The following RGS9 variants were observed in gnomAD, a reference collection of about 807,000 sequenced individuals.
RGS9 encodes regulator of G protein signaling 9.
Under a neutral mutation model 102.0 loss-of-function variants are expected in RGS9, and 78 were observed. The ratio of observed to expected loss-of-function variants is 0.76; its 90% CI spans 0.64 to 0.92. The LOEUF is 0.92. RGS9 is among the 40% of genes least tolerant of loss of function. RGS9 has a pLI of 0.00. For missense variants in RGS9, 833 were observed against 866.1 expected (o/e 0.96, Z 0.48); for synonymous variants, 353 against 318.6 (o/e 1.11, Z -1.15).
chr17:65,209,072 G>A (rs1913184737), intron 16 of RGS9, among the ~76,000 whole-genome samples: 1 of 152,146 alleles, frequency 6.6e-6, no homozygotes, highest in Non-Finnish European at 1.5e-5. Flanking sequence ...GGACAAAAGA[G>A]GAGTCTCATA....
chr17:65,139,406 T>G (rs1910068800), intron 1 of RGS9, among the ~76,000 whole-genome samples: 1 of 151,890 alleles, frequency 6.6e-6, no homozygotes, highest in South Asian at 2.1e-4. Context: ...AACCTTCCCC[T>G]GAGCAGCCTG....
chr17:65,217,276 C>T (rs1913553122), intron 17 of RGS9, among the ~76,000 whole-genome samples: 1 of 152,228 alleles, frequency 6.6e-6, no homozygotes, highest in Non-Finnish European at 1.5e-5. Flanking sequence ...TGGGGCTCCA[C>T]CTCCATCTCA....
chr17:65,137,749 C>A, intron 1 of RGS9, 152 bp downstream of exon 1: 1 of 684,868 alleles, frequency 1.5e-6, no homozygotes, highest in Admixed American at 2.2e-5. Context: ...CTGTGTGTGT[C>A]GATATTGATG....
At chr17:65,215,701 C>T (rs945205398) in intron 17 of RGS9, among the ~76,000 whole-genome samples, 22 of 152,054 alleles carry the variant, frequency 1.4e-4, no homozygotes, top group African/African-American at 5.3e-4. Context: ...GCTGGGATTA[C>T]AGGCACCCAC....
chr17:65,176,750 T>A (rs921951049), intron 8 of RGS9, among the ~76,000 whole-genome samples: 1 of 132,952 alleles, frequency 7.5e-6, no homozygotes, highest in African/African-American at 3.3e-5. Flanking sequence ...CATCCATCCA[T>A]CCACCCATCC....
intron 9 of RGS9, chr17:65,189,022 C>T: frequency 3.7e-6 from 2 of 545,768 alleles, no homozygotes; most frequent in Non-Finnish European, 6.6e-6. Context: ...CAAATTTAGT[C>T]CTTAATTGAT....
chr17:65,168,654 A>G (rs939425293), intron 8 of RGS9, among the ~76,000 whole-genome samples: 4 of 151,112 alleles, frequency 2.6e-5, no homozygotes, highest in Non-Finnish European at 5.9e-5. Context: ...AGAAAAATAG[A>G]GTCCCGTGAG....
At chr17:65,175,832 G>A (rs1911605050) in intron 8 of RGS9, among the ~76,000 whole-genome samples, 1 of 152,004 alleles carries the variant, frequency 6.6e-6, no homozygotes, top group South Asian at 2.1e-4. Flanking sequence ...CAGGAAATTT[G>A]GTTGAATTTG....
intron 15 of RGS9, 138 bp from the exon 16 acceptor site, chr17:65,207,784 A>T (rs372644608): frequency 3.2e-6 from 2 of 627,692 alleles, no homozygotes; most frequent in Non-Finnish European, 5.8e-6. Flanking sequence ...ACCTCCCCCA[A>T]CACCTTTCAC....
At chr17:65,177,924 G>C (rs1229314539) in intron 9 of RGS9, 121 bp downstream of exon 9, 2 of 817,804 alleles carry the variant, frequency 2.4e-6, no homozygotes, top group African/African-American at 3.4e-5. Context: ...CTATCAAAGA[G>C]AGGAGGACCG....
At chr17:65,156,089 T>G (rs1910757600) in intron 2 of RGS9, among the ~76,000 whole-genome samples, 1 of 152,194 alleles carries the variant, frequency 6.6e-6, no homozygotes, top group African/African-American at 2.4e-5. Flanking sequence ...AGTGGCACTA[T>G]CTTGGCTCAT....
intron 17 of RGS9, among the ~76,000 whole-genome samples, chr17:65,222,130 C>A (rs940202505): frequency 6.6e-6 from 1 of 152,234 alleles, no homozygotes; most frequent in Non-Finnish European, 1.5e-5. Flanking sequence ...AGGTCACTGT[C>A]TTCTTGCTGG....
At chr17:65,167,183 A>G (rs996102626) in intron 7 of RGS9, among the ~76,000 whole-genome samples, 5 of 152,084 alleles carry the variant, frequency 3.3e-5, no homozygotes, top group Admixed American at 2.0e-4. Context: ...TAAAAAGGAA[A>G]ATAAACAGCC....
chr17:65,190,066 G>T, intron 10 of RGS9, 109 bp from the exon 11 acceptor site: 1 of 888,576 alleles, frequency 1.1e-6, no homozygotes, highest in South Asian at 1.3e-5. Context: ...TCTGGGCATG[G>T]AACGGGATGT....
At chr17:65,143,748 T>A (rs1307081692) in intron 1 of RGS9, among the ~76,000 whole-genome samples, 1 of 148,718 alleles carries the variant, frequency 6.7e-6, no homozygotes, top group Non-Finnish European at 1.5e-5. Flanking sequence ...GAGCCGAGAT[T>A]GTGCCACTGC....
chr17:65,154,939 G>C (rs2143979136), intron 2 of RGS9, among the ~76,000 whole-genome samples: 1 of 152,288 alleles, frequency 6.6e-6, no homozygotes, highest in African/African-American at 2.4e-5. Flanking sequence ...AGACAAGCTG[G>C]CTCACAGCTT....
chr17:65,153,364 C>A (rs757455829), intron 1 of RGS9, 58 bp from the exon 2 acceptor site: 2 of 1,430,672 alleles, frequency 1.4e-6, no homozygotes, highest in Non-Finnish European at 2.0e-6. Context: ...TGGAAATTGC[C>A]CTGCACAACT....
intron 13 of RGS9, among the ~76,000 whole-genome samples, chr17:65,198,467 G>T (rs1202080643): frequency 2.0e-5 from 3 of 152,096 alleles, no homozygotes; most frequent in African/African-American, 7.2e-5. Context: ...TGTTGGCCAG[G>T]CTGGTCTCGA....
At chr17:65,162,636 G>T (rs1210309656) in intron 6 of RGS9, among the ~76,000 whole-genome samples, 1 of 145,722 alleles carries the variant, frequency 6.9e-6, no homozygotes, top group Non-Finnish European at 1.5e-5. Flanking sequence ...CTAATTTTTT[G>T]TATTTTTTTT....
Sources: allele counts gnomAD v4.1 joint callset (sites outside exome capture counted in the v4.1 genomes callset), GRCh38; gene constraint gnomAD v4.1.1; transcripts MANE v1.5; gene names NCBI Gene and HGNC (gene_info 2026-07-23, HGNC 2026-07-21).